Variants in EXOC4 observed in about 807,000 individuals in gnomAD.
EXOC4 encodes the protein SEC8-like 1.
In EXOC4, 71 loss-of-function variants were observed where a neutral mutation model predicts 107.2. That is an observed-to-expected ratio of 0.66 (90% confidence interval 0.55 to 0.81). The LOEUF is 0.81. Among genes scored for constraint, EXOC4 ranks in the 30% least tolerant of loss-of-function variants. EXOC4 has a pLI of 0.00. For synonymous variants in EXOC4, 456 were observed against 441.2 expected, an observed-to-expected ratio of 1.03 and a Z score of -0.42; for missense variants, 1,108 against 1,189.6, an observed-to-expected ratio of 0.93 and a Z score of 1.01.
chr7:134,043,265 G>T (rs1418182184), intron 17 of EXOC4, among the ~76,000 whole-genome samples: 1 of 152,080 alleles, frequency 6.6e-6, no homozygotes, highest in Non-Finnish European at 1.5e-5. Context: ...TTATGTCTGT[G>T]CTGTCACACA....
At chr7:133,768,785 G>A (rs1205633465) in intron 10 of EXOC4, among the ~76,000 whole-genome samples, 1 of 151,932 alleles carries the variant, frequency 6.6e-6, no homozygotes, top group Non-Finnish European at 1.5e-5. Flanking sequence ...GAGTAAAAAG[G>A]CATGGCCCTT....
At chr7:133,818,000 G>A in intron 11 of EXOC4, among the ~76,000 whole-genome samples, 1 of 152,168 alleles carries the variant, frequency 6.6e-6, no homozygotes, top group East Asian at 1.9e-4. Flanking sequence ...ATTTGAACCA[G>A]TAAACTGACC....
chr7:133,556,951 AG>A (rs1315002129), intron 9 of EXOC4, among the ~76,000 whole-genome samples: 2 of 152,108 alleles, frequency 1.3e-5, no homozygotes, highest in Non-Finnish European at 2.9e-5. Context: ...TGTTTCAGTG[AG>A]TGAGTGAGTG....
At chr7:133,515,311 A>C (rs936914872) in intron 9 of EXOC4, among the ~76,000 whole-genome samples, 1 of 150,274 alleles carries the variant, frequency 6.7e-6, no homozygotes, top group Non-Finnish European at 1.5e-5. Context: ...AGATTACTCC[A>C]ATCAGTAGCC....
chr7:134,024,459 AAAAG>A (rs1419182820), intron 17 of EXOC4, among the ~76,000 whole-genome samples: 1 of 151,976 alleles, frequency 6.6e-6, no homozygotes, highest in African/African-American at 2.4e-5. Context: ...TCAAAAAAAA[AAAAG>A]AAGCTAGTAT....
At chr7:133,335,245 T>G (rs1795486291) in intron 5 of EXOC4, among the ~76,000 whole-genome samples, 1 of 152,190 alleles carries the variant, frequency 6.6e-6, no homozygotes, top group Non-Finnish European at 1.5e-5. Context: ...GTGTCAACCA[T>G]TTCTAAGTAG....
chr7:133,378,327 A>G (rs1354278956), intron 7 of EXOC4, among the ~76,000 whole-genome samples: 2 of 140,282 alleles, frequency 1.4e-5, no homozygotes, highest in Non-Finnish European at 3.1e-5. Flanking sequence ...AAAAAAAAAG[A>G]GTTTTTCAGG....
At chr7:133,317,420 T>C in intron 5 of EXOC4, 30 bp downstream of exon 5, 1 of 1,431,076 alleles carries the variant, frequency 7.0e-7, no homozygotes, top group South Asian at 1.2e-5. Flanking sequence ...GCCACTAAGC[T>C]TTTTAGTATG....
chr7:133,365,532 C>A (rs961265874), intron 6 of EXOC4, among the ~76,000 whole-genome samples: 2 of 152,126 alleles, frequency 1.3e-5, no homozygotes, highest in Non-Finnish European at 2.9e-5. Context: ...TAGCACCAGG[C>A]CCCACTTCAG....
chr7:133,589,456 C>T (rs1801487807), intron 9 of EXOC4, among the ~76,000 whole-genome samples: 2 of 152,202 alleles, frequency 1.3e-5, no homozygotes, highest in Non-Finnish European at 1.5e-5. Context: ...TTCAGGATCA[C>T]ACTGGTAAAG....
At chr7:133,876,827 TTTTG>T (rs1464069795) in intron 11 of EXOC4, among the ~76,000 whole-genome samples, 1 of 152,086 alleles carries the variant, frequency 6.6e-6, no homozygotes, top group Non-Finnish European at 1.5e-5. Context: ...TTTTGTTTTG[TTTTG>T]TTTTTCTGGC....
intron 14 of EXOC4, among the ~76,000 whole-genome samples, chr7:133,960,960 C>A (rs1022729861): frequency 2.0e-5 from 3 of 152,132 alleles, no homozygotes; most frequent in African/African-American, 7.2e-5. Context: ...AATGGCTCCC[C>A]AACGATGTCC....
At chr7:133,576,392 C>A in intron 9 of EXOC4, 1 of 978,840 alleles carries the variant, frequency 1.0e-6, no homozygotes, top group Non-Finnish European at 1.3e-6. Flanking sequence ...TCATTTTAAT[C>A]TGTTGTCTCC....
intron 17 of EXOC4, among the ~76,000 whole-genome samples, chr7:134,036,876 G>A (rs1211344461): frequency 1.3e-5 from 2 of 151,998 alleles, no homozygotes; most frequent in African/African-American, 2.4e-5. Context: ...TTAATACTTC[G>A]GTTACCTTAC....
chr7:133,582,774 A>C (rs1359696030), intron 9 of EXOC4, among the ~76,000 whole-genome samples: 3 of 152,238 alleles, frequency 2.0e-5, no homozygotes, highest in African/African-American at 7.2e-5. Context: ...CACAAGGACC[A>C]GAATTTCCCT....
intron 6 of EXOC4, among the ~76,000 whole-genome samples, chr7:133,374,390 C>T (rs549631749): frequency 9.6e-4 from 146 of 151,926 alleles, no homozygotes; most frequent in Non-Finnish European, 1.1e-3. Context: ...GATTAATATC[C>T]TTATCAAAGT....
chr7:133,682,202 A>G (rs1794202368), intron 10 of EXOC4, among the ~76,000 whole-genome samples: 6 of 152,150 alleles, frequency 3.9e-5, no homozygotes, highest in Admixed American at 3.9e-4. Flanking sequence ...CCAGGCAGCT[A>G]TTATCTTTAT....
intron 9 of EXOC4, among the ~76,000 whole-genome samples, chr7:133,584,838 C>T (rs745472881): frequency 3.3e-5 from 5 of 151,956 alleles, no homozygotes; most frequent in Non-Finnish European, 4.4e-5. Context: ...CTTGGCCTCC[C>T]GTGCTGGGAT....
intron 9 of EXOC4, among the ~76,000 whole-genome samples, chr7:133,525,633 A>G (rs1387872031): frequency 6.6e-6 from 1 of 152,208 alleles, no homozygotes; most frequent in African/African-American, 2.4e-5. Context: ...AACCCACTAT[A>G]TTGAAATACA....
Sources: gnomAD v4.1 joint callset for allele counts (sites outside exome capture counted in the v4.1 genomes callset) on GRCh38, gnomAD v4.1.1 for gene constraint, MANE v1.5 for transcripts, NCBI Gene and HGNC (gene_info 2026-07-23, HGNC 2026-07-21) for gene names.